Variants in IL2RG observed in about 807,000 individuals in gnomAD.
IL2RG encodes interleukin 2 receptor subunit gamma.
For missense variants in IL2RG, 205 were observed against 272.9 expected, an observed-to-expected ratio of 0.75 and a Z score of 1.75; for synonymous variants, 111 against 108.5, an observed-to-expected ratio of 1.02 and a Z score of -0.15.
At chrX:71,108,966 T>C (rs2092257508) in intron 5 of IL2RG, among the ~76,000 whole-genome samples, 1 of 112,402 alleles carries the variant, frequency 8.9e-6, no homozygotes, top group African/African-American at 3.2e-5. Flanking sequence ...TCTCTAGGAA[T>C]GCTTCAGGGA....
At chrX:71,108,774 G>A (rs369831451) in intron 5 of IL2RG, 79 bp from the exon 6 acceptor site, 49 of 626,433 alleles carry the variant, frequency 7.8e-5, no homozygotes, top group South Asian at 1.3e-4. Flanking sequence ...GCCAGGCACC[G>A]CGCTAAAGAC....
Position 71,107,606 on chromosome X carries a change from G to A in IL2RG, c.*130C>T. On this transcript the variant is annotated 3_prime_UTR_variant, in exon 8 of 8. Transcript: ENST00000374202. ...ATGCCAAATGAAGGGGTGCTTACAT[G>A]GGGGCACAAAATTCCAAATCAGCCA... is the stretch of plus-strand genomic sequence containing the variant. 1 of 398,987 alleles carries A rather than the reference G, an allele frequency of 2.5e-6. No homozygotes were observed. Among genetic ancestry groups the A allele is most frequent in the Non-Finnish European group, 4.2e-6 (1 of 240,763 alleles). 32.9% of individuals were successfully genotyped at this position (398,987 alleles called of 1,213,427 possible).
In IL2RG at chrX:71,107,886, A is replaced by C; in HGVS notation, c.960T>G (p.Ser320Arg). ...WSGVSKGLAE[S>R]LQPDYSERLC... ...GTCGTTCACTGTAGTCTGGCTGCAG[A>C]CTCTCAGCCAGTCCCTTAGACACAC... is the stretch of plus-strand genomic sequence containing the variant. Residue 320 changes from serine (S) to arginine (R), a missense_variant, in exon 8 of 8, where the codon AGT becomes AGG. Coordinates refer to ENST00000374202, the MANE Select transcript of IL2RG (RefSeq NM_000206.3). 8.3e-7 allele frequency: 1 copy of C among 1,207,442 alleles called. No homozygotes were observed. The highest frequency in any genetic ancestry group is 1.1e-6 in the Non-Finnish European group (1 of 892,917).
intron 5 of IL2RG, 52 bp downstream of exon 5, chrX:71,109,176 A>T: frequency 8.7e-7 from 1 of 1,151,446 alleles, no homozygotes; most frequent in Non-Finnish European, 1.2e-6. Context: ...CAGTGGTGTT[A>T]GAAAGGCTGG....
chrX:71,110,316 G>A lies in IL2RG; in HGVS notation c.455-21C>T, dbSNP rs979698157. ...GATCACTGGAGATATGTGTGCATAT[G>A]TGGTCATTCCCCTGGCCTAGACAAG... On this transcript the variant is annotated intron_variant, in intron 3 of 7. Transcript: ENST00000374202. 5 of 1,206,026 alleles carry A rather than the reference G, an allele frequency of 4.1e-6. No homozygotes were observed. The African/African-American group carries it at 5.3e-5, about 13-fold the overall frequency.
Position 71,108,362 on chromosome X carries a change from G to A in IL2RG, c.855-16C>T, listed in dbSNP as rs752525322. 1.1e-4 allele frequency: 117 copies of A among 1,100,980 alleles called. No individual in the cohort carries two copies. Among genetic ancestry groups the A allele is most frequent in the Non-Finnish European group, 1.4e-4 (110 of 795,638 alleles). 90.7% of individuals were successfully genotyped at this position (1,100,980 alleles called of 1,213,427 possible). On this transcript the variant is annotated splice_polypyrimidine_tract_variant and intron_variant, in intron 6 of 7. Transcript: ENST00000374202. ...GGGCATCGTCCTGACAGGGGAGAAA[G>A]AGGGAGCAGGAGCACATAGGTTAAA... is the stretch of plus-strand genomic sequence containing the variant.
chrX:71,107,506 C>T lies in IL2RG; in HGVS notation c.*230G>A. 3.4e-6 allele frequency: 1 copy of T among 297,455 alleles called. No individual in the cohort carries two copies. The highest frequency in any genetic ancestry group is 5.8e-5 in the Admixed American group (1 of 17,122). The allele number at this position is 297,455 out of a possible 1,213,427, so 24.5% of individuals were successfully genotyped here. A position where few individuals can be genotyped will look rare whatever the true frequency, so the allele number is the denominator to read the frequency against. On this transcript the variant is annotated 3_prime_UTR_variant, in exon 8 of 8. Coordinates refer to ENST00000374202, the MANE Select transcript of IL2RG (RefSeq NM_000206.3). ...AGGGAAAGAGGGAGGGAGGAAGAAT[C>T]CTGCGAAAAGGAAGGGCCAGACTGA...
Position 71,109,402 on chromosome X carries a change from A to G in IL2RG, c.595-12T>C. 1.7e-6 allele frequency: 2 copies of G among 1,205,099 alleles called. No individual in the cohort carries two copies. Among genetic ancestry groups the G allele is most frequent in the Non-Finnish European group, 2.2e-6 (2 of 889,620 alleles). ...TCCACTGATTGTTCCTTGAGGAGAA[A>G]GAGGATGAGGGAAAGTGGGTGTCTA... On this transcript the variant is annotated splice_polypyrimidine_tract_variant and intron_variant, in intron 4 of 7. Coordinates refer to ENST00000374202, the MANE Select transcript of IL2RG (RefSeq NM_000206.3).
intron 1 of IL2RG, 56 bp downstream of exon 1, chrX:71,111,369 G>A (rs761128497): frequency 6.0e-5 from 71 of 1,188,488 alleles, no homozygotes; most frequent in Middle Eastern, 2.7e-4. Flanking sequence ...ATCTCTGTAC[G>A]GCCCCTTCCC....
In IL2RG at chrX:71,111,412, C is replaced by A. The variant is rs751152396; in HGVS notation, c.115+13G>T. ...CCCTTCTCACCAGCCCCCTCCAGTC[C>A]CAGATTTCCCACCAGCTGTGGTGTC... is the stretch of plus-strand genomic sequence containing the variant. On this transcript the variant is annotated intron_variant, in intron 1 of 7. Coordinates refer to ENST00000374202, the MANE Select transcript of IL2RG (RefSeq NM_000206.3). 8.3e-7 allele frequency: 1 copy of A among 1,210,967 alleles called. No individual in the cohort carries two copies. The highest frequency in any genetic ancestry group is 1.1e-6 in the Non-Finnish European group (1 of 895,133).
chrX:71,108,439 G>C, intron 6 of IL2RG, 93 bp from the exon 7 acceptor site: 2 of 733,350 alleles, frequency 2.7e-6, no homozygotes, highest in Middle Eastern at 3.0e-4. Context: ...AAGTGATTCT[G>C]TGTTCTCTGT....
chrX:71,110,425 T>G, intron 3 of IL2RG, 79 bp downstream of exon 3: 1 of 1,123,451 alleles, frequency 8.9e-7, no homozygotes, highest in Non-Finnish European at 1.2e-6. Context: ...CATGTACCCT[T>G]ATGATAAAAG....
rs764914063 is a variant in IL2RG, at chrX:71,108,655, A to G, written c.798T>C (p.Ser266=). ...TGATAATCAATCCCATGGAGCCAAC[A>G]GAGATAACCACGGCTTCCAATGCAA... ...FLFALEAVVI[S]VGSMGLIISL... Residue 266 remains serine, a synonymous_variant, in exon 6 of 8, where the codon TCT becomes TCC. Transcript: ENST00000374202. 2.3e-5 allele frequency: 27 copies of G among 1,193,626 alleles called. No homozygotes were observed. Among genetic ancestry groups the G allele is most frequent in the South Asian group, 1.8e-4 (10 of 54,815 alleles).
chrX:71,107,763 T>A lies in IL2RG; in HGVS notation c.1083A>T (p.Pro361=). 8.7e-7 allele frequency: 1 copy of A among 1,150,696 alleles called. No homozygotes were observed. The highest frequency in any genetic ancestry group is 2.1e-5 in the South Asian group (1 of 47,971). 94.8% of individuals were successfully genotyped at this position (1,150,696 alleles called of 1,213,427 possible). ...AGGTTTCAGGCTTTAGGGTGTAACA[T>A]GGGGGGGCCCAGTAGGGGCTATGCT... The part of the protein sequence containing the change: ...CNQHSPYWAP[P]CYTLKPET Residue 361 remains proline, a synonymous_variant, in exon 8 of 8, where the codon CCA becomes CCT. Coordinates refer to ENST00000374202, the MANE Select transcript of IL2RG (RefSeq NM_000206.3).
rs1569479715 is a variant in IL2RG at position 71,107,791 on chromosome X, T to C, written c.1055A>G (p.Asn352Ser). The change falls in exon 8 of 8, where the codon AAC becomes AGC. Residue 352 changes from asparagine to serine, a missense_variant. Coordinates refer to ENST00000374202, the MANE Select transcript of IL2RG (RefSeq NM_000206.3). ...GGGGGCCCAGTAGGGGCTATGCTGG[T>C]TGCATGGGGAGGCCCCAGGCCCCTC... is the stretch of plus-strand genomic sequence containing the variant. ...LGEGPGASPC[N>S]QHSPYWAPPC... The C allele has an allele frequency of 8.5e-7, 1 of 1,179,186 alleles. No homozygotes were observed. The highest frequency in any genetic ancestry group is 2.4e-4 in the Middle Eastern group (1 of 4,173).
chrX:71,109,968 GA>G (rs1056547980), intron 4 of IL2RG, among the ~76,000 whole-genome samples, 187 bp downstream of exon 4: 3 of 105,393 alleles, frequency 2.8e-5, no homozygotes, highest in Non-Finnish European at 5.9e-5. Flanking sequence ...GAAAAGAAAA[GA>G]AAAAAAGAAA....
Position 71,110,801 on chromosome X carries a change from A to C in IL2RG, c.269+96T>G, listed in dbSNP as rs768388192. On this transcript the variant is annotated intron_variant, in intron 2 of 7. Transcript: ENST00000374202. ...CCGACTTATGACTTACCCCAGGAGA[A>C]AACAGTGGGGTACCTGGGAGACTTG... The C allele has an allele frequency of 6.3e-6, 7 of 1,106,518 alleles. No individual in the cohort carries two copies. In the East Asian group the frequency reaches 1.8e-4, roughly 29 times the overall value. The allele number at this position is 1,106,518 out of a possible 1,213,427, so 91.2% of individuals were successfully genotyped here. A position where few individuals can be genotyped will look rare whatever the true frequency, so the allele number is the denominator to read the frequency against.
rs758702784 is a variant in IL2RG at position 71,110,499 on chromosome X, A to G, written c.454+5T>C. 1.2e-5 allele frequency: 14 copies of G among 1,208,821 alleles called. No individual in the cohort carries two copies. The highest frequency in any genetic ancestry group is 2.3e-4 in the Middle Eastern group (1 of 4,323). ...TGGTCTCTTGACCCTTTCTTTCCAA[A>G]TTACCCAGATTCTGCAGTTTTAGCA... On this transcript the variant is annotated splice_donor_5th_base_variant and intron_variant, in intron 3 of 7. Coordinates refer to ENST00000374202, the MANE Select transcript of IL2RG (RefSeq NM_000206.3).
chrX:71,109,627 G>T (rs1016743376), intron 4 of IL2RG, among the ~76,000 whole-genome samples: 1 of 111,207 alleles, frequency 9.0e-6, no homozygotes, highest in Non-Finnish European at 1.9e-5. Flanking sequence ...AGTATGGGTA[G>T]GGAATCCCTA....
Sources: allele counts gnomAD v4.1 joint callset (sites outside exome capture counted in the v4.1 genomes callset), GRCh38; gene constraint gnomAD v4.1.1; transcripts MANE v1.5; gene names NCBI Gene and HGNC (gene_info 2026-07-23, HGNC 2026-07-21).